ROBO2: variants seen among roughly 807,000 people sequenced by gnomAD.
ROBO2 encodes the protein roundabout homolog 2.
In ROBO2, 53 loss-of-function variants were observed where a neutral mutation model predicts 160.8. The ratio of observed to expected loss-of-function variants is 0.33; its 90% CI spans 0.26 to 0.41. The LOEUF (loss-of-function observed/expected upper bound fraction) is 0.41. Among genes scored for constraint, ROBO2 ranks in the 10% least tolerant of loss-of-function variants. ROBO2 has a pLI of 1.00. For missense variants in ROBO2, 1,577 were observed against 1,722.4 expected (o/e 0.92, Z 1.49); for synonymous variants, 664 against 611.7 (o/e 1.09, Z -1.26).
intron 2 of ROBO2, among the ~76,000 whole-genome samples, chr3:76,783,291 A>G (rs909968544): frequency 6.6e-6 from 1 of 150,948 alleles, no homozygotes; most frequent in Non-Finnish European, 1.5e-5. Context: ...TAGAGTTAAA[A>G]GTAATTTGTG....
At chr3:77,593,175 C>T (rs533923935) in intron 17 of ROBO2, among the ~76,000 whole-genome samples, 1 of 151,114 alleles carries the variant, frequency 6.6e-6, no homozygotes, top group South Asian at 2.1e-4. Context: ...TATCTTAACT[C>T]TCTTTTAACA....
chr3:76,459,642 C>T (rs558191262), intron 2 of ROBO2, among the ~76,000 whole-genome samples: 1 of 152,198 alleles, frequency 6.6e-6, no homozygotes, highest in South Asian at 2.1e-4. Context: ...TGAATTGGTC[C>T]TAAATTTTCT....
At chr3:76,255,954 C>T (rs571599494) in intron 2 of ROBO2, among the ~76,000 whole-genome samples, 1 of 152,066 alleles carries the variant, frequency 6.6e-6, no homozygotes, top group Admixed American at 6.6e-5. Flanking sequence ...ATTTCAGATA[C>T]TTTCTTATAG....
intron 2 of ROBO2, among the ~76,000 whole-genome samples, chr3:76,743,788 A>T (rs2108082460): frequency 6.6e-6 from 1 of 151,978 alleles, no homozygotes; most frequent in East Asian, 1.9e-4. Context: ...AATAAATTAT[A>T]AATTATTTAA....
At chr3:76,585,689 T>C (rs114126822) in intron 2 of ROBO2, among the ~76,000 whole-genome samples, 38 of 151,934 alleles carry the variant, frequency 2.5e-4, no homozygotes, top group African/African-American at 9.2e-4. Context: ...GACAAGGGGG[T>C]ATATGACTGA....
At chr3:77,509,249 G>A (rs933115531) in intron 5 of ROBO2, among the ~76,000 whole-genome samples, 1 of 152,002 alleles carries the variant, frequency 6.6e-6, no homozygotes, top group African/African-American at 2.4e-5. Flanking sequence ...GTAGGAAGGA[G>A]GGTAGAAAGG....
intron 2 of ROBO2, among the ~76,000 whole-genome samples, chr3:76,417,765 T>A (rs1320219636): frequency 2.0e-5 from 3 of 151,940 alleles, no homozygotes; most frequent in African/African-American, 7.2e-5. Flanking sequence ...GAAAGATAAT[T>A]AGGTGAAAAA....
rs553022752 is a variant in ROBO2 at position 76,082,482 on chromosome 3, C to T, written c.109+144880C>T. ...ACTGACAGTTTCTTAAATAGAAGAG[C>T]TACATAATTGACTCTTATCTGTATA... On this transcript the variant is annotated intron_variant, in intron 2 of 26. Transcript: ENST00000487694. Among the ~76,000 whole-genome samples the T allele has an allele frequency of 3.3e-5, 5 of 152,086 alleles. No homozygotes were observed. The South Asian group carries it at 1.0e-3, about 32-fold the overall frequency.
chr3:77,469,932 A>G (rs2083184353), intron 2 of ROBO2, among the ~76,000 whole-genome samples: 1 of 152,170 alleles, frequency 6.6e-6, no homozygotes. Flanking sequence ...TACCCAGTCC[A>G]GTTAAGTAGA....
intron 2 of ROBO2, among the ~76,000 whole-genome samples, chr3:75,959,096 G>A (rs1211326567): frequency 1.3e-5 from 2 of 151,714 alleles, no homozygotes; most frequent in East Asian, 3.9e-4. Context: ...ATTTTAAAGA[G>A]CATTTAGAAA....
chr3:77,401,099 G>C (rs1028692782), intron 2 of ROBO2, among the ~76,000 whole-genome samples: 7 of 152,006 alleles, frequency 4.6e-5, no homozygotes, highest in Admixed American at 2.6e-4. Flanking sequence ...CAAAAGCATT[G>C]TAGAAAGAAG....
chr3:77,571,448 A>G (rs2093634458), intron 13 of ROBO2, among the ~76,000 whole-genome samples: 1 of 152,104 alleles, frequency 6.6e-6, no homozygotes. Context: ...TTTCACTTAT[A>G]TCAGTCACTT....
In ROBO2 at chr3:77,387,624, C is replaced by A. The variant is rs73095964; in HGVS notation, c.389-89790C>A. Among the ~76,000 whole-genome samples the A allele has an allele frequency of 6.2e-3, 942 of 151,424 alleles. 7 individuals are homozygous for A. The highest frequency in any genetic ancestry group is 7.1e-3 in the South Asian group (34 of 4,794). On this transcript the variant is annotated intron_variant, in intron 2 of 25. Transcript: ENST00000461745. ...AAAAGGAAAATAAAGCTTGAGACCC[C>A]AATTCACTCTACCAAAAGAAAAAAA...
At chr3:76,912,474 A>T (rs1003758553) in intron 2 of ROBO2, among the ~76,000 whole-genome samples, 1 of 152,204 alleles carries the variant, frequency 6.6e-6, no homozygotes, top group African/African-American at 2.4e-5. Context: ...GTTGTTTAAA[A>T]GGCTAAAATG....
intron 2 of ROBO2, among the ~76,000 whole-genome samples, chr3:77,443,549 T>C (rs2080166130): frequency 6.6e-6 from 1 of 152,210 alleles, no homozygotes; most frequent in African/African-American, 2.4e-5. Context: ...ATGTATGTGC[T>C]TTTGGAGTTC....
At chr3:76,774,631 T>G (rs1259768162) in intron 2 of ROBO2, among the ~76,000 whole-genome samples, 1 of 150,688 alleles carries the variant, frequency 6.6e-6, no homozygotes, top group Non-Finnish European at 1.5e-5. Flanking sequence ...ATAAGGACAA[T>G]AAGATGGAAG....
chr3:76,939,304 A>C (rs185122849), intron 2 of ROBO2, among the ~76,000 whole-genome samples: 3 of 152,198 alleles, frequency 2.0e-5, no homozygotes, highest in South Asian at 2.1e-4. Flanking sequence ...GAAAGCAGGC[A>C]TGTTTATTCT....
At chr3:77,317,393 C>G in intron 2 of ROBO2, 1 of 1,168,234 alleles carries the variant, frequency 8.6e-7, no homozygotes, top group South Asian at 1.3e-5. Flanking sequence ...TCCATTTCTC[C>G]GTAGACCTCG....
chr3:77,220,835 T>G (rs974179356), intron 2 of ROBO2, among the ~76,000 whole-genome samples: 1 of 152,152 alleles, frequency 6.6e-6, no homozygotes, highest in Admixed American at 6.5e-5. Context: ...GAAAAAAAGA[T>G]GAATTATTGT....
Sources: allele counts gnomAD v4.1 joint callset (sites outside exome capture counted in the v4.1 genomes callset), GRCh38; gene constraint gnomAD v4.1.1; transcripts MANE v1.5; gene names NCBI Gene and HGNC (gene_info 2026-07-23, HGNC 2026-07-21).